DNAH11: variants seen among roughly 807,000 people sequenced by gnomAD.
DNAH11 encodes dynein axonemal heavy chain 11, also known as axonemal beta dynein heavy chain 11.
In DNAH11, 442 loss-of-function variants were observed where a neutral mutation model predicts 526.0. The observed-to-expected ratio is 0.84, with a 90% CI of 0.78 to 0.91. The LOEUF is 0.91. Among genes scored for constraint, DNAH11 ranks in the 40% least tolerant of loss-of-function variants. The pLI is 0.00. For synonymous variants in DNAH11, 2,461 were observed against 1,935.9 expected, an observed-to-expected ratio of 1.27 and a Z score of -7.12; for missense variants, 6,989 against 5,448.7, an observed-to-expected ratio of 1.28 and a Z score of -8.90.
chr7:21,824,711 T>G (rs945508887), intron 65 of DNAH11, among the ~76,000 whole-genome samples: 14 of 152,242 alleles, frequency 9.2e-5, no homozygotes, highest in Non-Finnish European at 1.6e-4. Flanking sequence ...AATAATGTTT[T>G]AACACGTGTG....
intron 57 of DNAH11, 45 bp downstream of exon 57, chr7:21,779,149 C>G: frequency 6.4e-7 from 1 of 1,566,170 alleles, no homozygotes; most frequent in Non-Finnish European, 8.7e-7. Flanking sequence ...ATATTTAGCA[C>G]AAAATAAACC....
At chr7:21,780,510 C>G (rs1254989436) in intron 57 of DNAH11, among the ~76,000 whole-genome samples, 2 of 152,132 alleles carry the variant, frequency 1.3e-5, no homozygotes, top group Non-Finnish European at 1.5e-5. Context: ...ATGTGATGTT[C>G]TAGTAATTAT....
intron 28 of DNAH11, among the ~76,000 whole-genome samples, chr7:21,650,954 TAAA>T (rs11296456): frequency 1.3e-5 from 2 of 148,744 alleles, no homozygotes; most frequent in African/African-American, 2.5e-5. Flanking sequence ...ACTGTTATTT[TAAA>T]AAAAAAAAAA....
In DNAH11 at chr7:21,704,444, G is replaced by A. The variant is rs1226508138; in HGVS notation, c.6284G>A (p.Arg2095Lys). 6.2e-7 allele frequency: 1 copy of A among 1,612,774 alleles called. No individual in the cohort carries two copies. The highest frequency in any genetic ancestry group is 8.5e-7 in the Non-Finnish European group (1 of 1,179,384). Residue 2095 changes from arginine to lysine, a missense_variant, in exon 38 of 82, where the codon AGA becomes AAA. Transcript: ENST00000409508. ...TGTTTTTTTTTCTAGGTACTCATGAGAGCATTAAGGGATTTCAATATGCCC... is the reference window on the plus strand; with the variant it reads ...TGTTTTTTTTTCTAGGTACTCATGAAAGCATTAAGGGATTTCAATATGCCC... Reference protein sequence around the residue: ...KNRPEDQVLMRALRDFNMPKI... With the variant: ...KNRPEDQVLMKALRDFNMPKI...
At chr7:21,609,746 A>G (rs937564439) in intron 20 of DNAH11, among the ~76,000 whole-genome samples, 3 of 152,202 alleles carry the variant, frequency 2.0e-5, no homozygotes, top group African/African-American at 7.2e-5. Flanking sequence ...AAGGGCAAGA[A>G]AAAATAGAGG....
rs145289711 is a variant in DNAH11 at position 21,709,068 on chromosome 7, A to G, written c.6683+1233A>G. ...AACTACCGTTTGACCCAGCAATCCC[A>G]TTACTGGGTATATACCTAAAGGAAA... On this transcript the variant is annotated intron_variant, in intron 40 of 81. Transcript: ENST00000409508. 5.9e-3 allele frequency among the ~76,000 whole-genome samples: 896 copies of G among 152,326 alleles called. 7 individuals carry two copies. Among genetic ancestry groups the G allele is most frequent in the Middle Eastern group, 6.8e-3 (2 of 294 alleles).
rs1183710904 is a variant in DNAH11, at chr7:21,589,325, C to T, written c.2091C>T (p.Ile697=). ...AATGGAAAAGTAATGTGGATGAAAT[C>T]TGTGAATTCAATTTGAATCAACCCT... The part of the protein sequence containing the change: ...YNEWKSNVDE[I]CEFNLNQPLV... Residue 697 remains isoleucine (I), a synonymous_variant, in exon 12 of 82, where the codon ATC becomes ATT. Coordinates refer to ENST00000409508, the MANE Select transcript of DNAH11 (RefSeq NM_001277115.2). 2 of 1,610,040 alleles carry T rather than the reference C, an allele frequency of 1.2e-6. No individual in the cohort carries two copies. Among genetic ancestry groups the T allele is most frequent in the Non-Finnish European group, 1.7e-6 (2 of 1,178,478 alleles).
chr7:21,883,607 C>G (rs1784012982), intron 75 of DNAH11, among the ~76,000 whole-genome samples: 1 of 152,184 alleles, frequency 6.6e-6, no homozygotes, highest in South Asian at 2.1e-4. Context: ...ATAATACAAG[C>G]TGATATAAAG....
chr7:21,804,930 G>A (rs1248559047), intron 62 of DNAH11, among the ~76,000 whole-genome samples: 1 of 152,130 alleles, frequency 6.6e-6, no homozygotes, highest in East Asian at 1.9e-4. Flanking sequence ...TCTGTCTCCT[G>A]GATACCCCTC....
At chr7:21,872,123 C>CAAAAACAAAAAAAAAAAAA (rs1783519317) in intron 73 of DNAH11, among the ~76,000 whole-genome samples, 1 of 30,822 alleles carries the variant, frequency 3.2e-5, no homozygotes, top group Non-Finnish European at 5.6e-5. Context: ...GACTCTGTCT[C>CAAAAACAAAAAAAAAAAAA]AAAAAAAAAA....
In DNAH11 at chr7:21,799,137, A is replaced by G. The variant is rs1788848483; in HGVS notation, c.10027-2000A>G. Among the ~76,000 whole-genome samples the G allele has an allele frequency of 3.3e-5, 5 of 152,166 alleles. No homozygotes were observed. In the South Asian group the frequency reaches 8.3e-4, roughly 25 times the overall value. Reference sequence around the variant, plus strand: ...CCCTTTGAGCTAGGTAACATTATTAATTCCATTTTTAAGATAATGAAGCTG... The same window carrying G: ...CCCTTTGAGCTAGGTAACATTATTAGTTCCATTTTTAAGATAATGAAGCTG... On this transcript the variant is annotated intron_variant, in intron 61 of 81. Transcript: ENST00000409508.
At position 21,873,346 on chromosome 7, in the gene DNAH11, A is replaced by G; in HGVS notation, c.12040A>G (p.Arg4014Gly). ...LLERFSQGSH[R>G]DYRVFMSAES... ...TGAAAGATTCAGCCAAGGAAGCCAC[A>G]GAGATTACAGGGTTTTCATGAGTGC... The change falls in exon 74 of 82, where the codon AGA (arginine) becomes GGA (glycine). Residue 4014 changes from arginine to glycine, a missense_variant. Transcript: ENST00000409508. 1.9e-6 allele frequency: 3 copies of G among 1,613,406 alleles called. No homozygotes were observed. Among genetic ancestry groups the G allele is most frequent in the African/African-American group, 1.3e-5 (1 of 75,064 alleles).
intron 54 of DNAH11, among the ~76,000 whole-genome samples, chr7:21,753,140 T>A (rs1026094098): frequency 6.6e-6 from 1 of 152,192 alleles, no homozygotes; most frequent in Non-Finnish European, 1.5e-5. Flanking sequence ...GATGCTTGTC[T>A]CATCTTTCCC....
In DNAH11 at chr7:21,899,129, C is replaced by T. The variant is rs192426382; in HGVS notation, c.13050-207C>T. Among the ~76,000 whole-genome samples, 20 of 152,258 alleles carry T rather than the reference C, an allele frequency of 1.3e-4. No homozygotes were observed. In the East Asian group the frequency reaches 2.3e-3, roughly 18 times the overall value. On this transcript the variant is annotated intron_variant, in intron 79 of 81. Coordinates refer to ENST00000409508, the MANE Select transcript of DNAH11 (RefSeq NM_001277115.2). ...TCAGTGTATCTTGCTCTAATGTAAACGCTACAGTCATCAAGTCTCCAATGG... is the reference window on the plus strand; with the variant it reads ...TCAGTGTATCTTGCTCTAATGTAAATGCTACAGTCATCAAGTCTCCAATGG...
Sources: allele counts gnomAD v4.1 joint callset (sites outside exome capture counted in the v4.1 genomes callset), GRCh38; gene constraint gnomAD v4.1.1; transcripts MANE v1.5; gene names NCBI Gene and HGNC (gene_info 2026-07-23, HGNC 2026-07-21).